Variants in CDK13 observed in about 807,000 individuals in gnomAD.
The protein encoded by CDK13 is cyclin dependent kinase 13.
In CDK13, 40 loss-of-function variants were observed where a neutral mutation model predicts 137.6. The ratio of observed to expected loss-of-function variants is 0.29; its 90% CI spans 0.23 to 0.38. The LOEUF (loss-of-function observed/expected upper bound fraction) is 0.38, where lower values mean the gene tolerates loss of function less well. CDK13 is among the 10% of genes least tolerant of loss of function. The pLI, the probability that CDK13 is intolerant of heterozygous loss-of-function variation, is 1.00. For synonymous variants in CDK13, 869 were observed against 760.1 expected, an observed-to-expected ratio of 1.14 and a Z score of -2.36; for missense variants, 1,704 against 1,951.8, an observed-to-expected ratio of 0.87 and a Z score of 2.39.
At chr7:40,045,021 TTAAGAAA>T (rs1349033398) in intron 5 of CDK13, among the ~76,000 whole-genome samples, 1 of 152,194 alleles carries the variant, frequency 6.6e-6, no homozygotes, top group East Asian at 1.9e-4. Context: ...TAATAAACTT[TTAAGAAA>T]GACTCCTTCT....
chr7:39,956,056 A>G (rs1317528799), intron 1 of CDK13, among the ~76,000 whole-genome samples: 2 of 152,176 alleles, frequency 1.3e-5, no homozygotes, highest in Non-Finnish European at 2.9e-5. Flanking sequence ...TGTCCTGAAA[A>G]CTATAGTTCA....
chr7:39,999,639 A>T (rs1197397260), intron 4 of CDK13, 139 bp downstream of exon 4: 10 of 822,436 alleles, frequency 1.2e-5, no homozygotes, highest in Non-Finnish European at 1.9e-5. Context: ...TTGTTTTTTT[A>T]TTCTATATAT....
At chr7:40,057,503 A>G (rs976352250) in intron 7 of CDK13, among the ~76,000 whole-genome samples, 5 of 152,184 alleles carry the variant, frequency 3.3e-5, no homozygotes, top group African/African-American at 1.2e-4. Flanking sequence ...ACTGGAGAGC[A>G]CTTGGTCATG....
In CDK13 at chr7:40,087,612, A is replaced by G. The variant is rs562210675; in HGVS notation, c.3030-514A>G. Among the ~76,000 whole-genome samples, 359 of 140,892 alleles carry G rather than the reference A, an allele frequency of 2.5e-3. 1 individual carries two copies. Among genetic ancestry groups the G allele is most frequent in the Non-Finnish European group, 4.0e-3 (265 of 66,840 alleles). The allele number at this position is 140,892 out of a possible 152,430, so 92.4% of individuals were successfully genotyped here. Reference sequence around the variant, plus strand: ...CACCCAGGCTGGAGTGCAGTGGCGCAATCTCGGCTCACCGCAACCTCCACC... The same window carrying G: ...CACCCAGGCTGGAGTGCAGTGGCGCGATCTCGGCTCACCGCAACCTCCACC... On this transcript the variant is annotated intron_variant, in intron 11 of 13. Transcript: ENST00000181839.
At chr7:40,017,573 T>G (rs116975746) in intron 5 of CDK13, among the ~76,000 whole-genome samples, 268 of 152,204 alleles carry the variant, frequency 1.8e-3, no homozygotes, top group Middle Eastern at 3.4e-3. Flanking sequence ...TGAATTTGCC[T>G]GTTCCTTTGA....
rs567364633 is a variant in CDK13, at chr7:39,969,002, T to G, written c.1211+17150T>G. On this transcript the variant is annotated intron_variant, in intron 1 of 13. Coordinates refer to ENST00000181839, the MANE Select transcript of CDK13 (RefSeq NM_003718.5). ...TTCTTTCAACCTTAGTTCAGGTGGGTTTTTTTGTTTGTTTGTTTGTTTGTT... is the reference window on the plus strand; with the variant it reads ...TTCTTTCAACCTTAGTTCAGGTGGGGTTTTTTGTTTGTTTGTTTGTTTGTT... 2.0e-4 allele frequency among the ~76,000 whole-genome samples: 30 copies of G among 152,120 alleles called. 1 individual carries two copies. The Middle Eastern group carries it at 0.017, about 86-fold the overall frequency.
At chr7:39,981,948 C>T (rs865915207) in intron 1 of CDK13, among the ~76,000 whole-genome samples, 5 of 130,020 alleles carry the variant, frequency 3.8e-5, no homozygotes, top group Non-Finnish European at 8.9e-5. Context: ...CCCGCCACTA[C>T]GCCCGGCTAA....
chr7:40,034,342 C>G (rs1785439780), intron 5 of CDK13, among the ~76,000 whole-genome samples: 1 of 152,158 alleles, frequency 6.6e-6, no homozygotes, highest in Non-Finnish European at 1.5e-5. Context: ...TCTGCAATGG[C>G]TTTACGAAGA....
chr7:40,069,261 C>A, intron 9 of CDK13: 1 of 445,666 alleles, frequency 2.2e-6, no homozygotes. Flanking sequence ...AACAACAAAA[C>A]ATAAAAAGAT....
chr7:39,973,232 A>T (rs10272514), intron 1 of CDK13, among the ~76,000 whole-genome samples: 46,870 of 151,802 alleles, frequency 0.31, 7,793 homozygotes, highest in Middle Eastern at 0.47. Context: ...CATCTCTAGG[A>T]CTCAAACAAT....
At chr7:40,003,174 A>G (rs1363684976) in intron 5 of CDK13, among the ~76,000 whole-genome samples, 2 of 87,846 alleles carry the variant, frequency 2.3e-5, no homozygotes, top group Non-Finnish European at 4.9e-5. Flanking sequence ...ACACACACAC[A>G]CACACACACA....
Position 40,094,294 on chromosome 7 carries a change from CCCA to C in CDK13, c.3860_3862del (p.Thr1287del). 2 of 1,612,746 alleles carry C rather than the reference CCCA, an allele frequency of 1.2e-6. No homozygotes were observed. The highest frequency in any genetic ancestry group is 1.7e-6 in the Non-Finnish European group (2 of 1,179,426). ...TTATCGGACAGAAAACCAGCATGTA[CCCA>C]CCACCAGTTCTTCATTAACTGACCC... is the stretch of plus-strand genomic sequence containing the variant. On this transcript the variant is annotated inframe_deletion, in exon 14 of 14. Coordinates refer to ENST00000181839, the MANE Select transcript of CDK13 (RefSeq NM_003718.5).
chr7:40,053,394 A>G (rs1785936389), intron 7 of CDK13, among the ~76,000 whole-genome samples: 1 of 152,074 alleles, frequency 6.6e-6, no homozygotes, highest in Non-Finnish European at 1.5e-5. Flanking sequence ...GGCCATTGTA[A>G]ATAGAATTGT....
At chr7:40,017,957 G>A (rs1785037286) in intron 5 of CDK13, among the ~76,000 whole-genome samples, 1 of 150,528 alleles carries the variant, frequency 6.6e-6, no homozygotes, top group Admixed American at 6.6e-5. Flanking sequence ...CATGTTCTGA[G>A]GATTCCTGTT....
intron 1 of CDK13, among the ~76,000 whole-genome samples, chr7:39,956,678 C>T (rs746350948): frequency 2.6e-5 from 4 of 152,116 alleles, no homozygotes; most frequent in Non-Finnish European, 5.9e-5. Context: ...GCTTCGAACT[C>T]CTGGGCCCAG....
chr7:40,058,270 C>G (rs1786064368), intron 7 of CDK13, among the ~76,000 whole-genome samples: 1 of 152,106 alleles, frequency 6.6e-6, no homozygotes, highest in Non-Finnish European at 1.5e-5. Flanking sequence ...GCTGTACAGT[C>G]TTATCAACTG....
At chr7:39,956,061 A>G (rs950886005) in intron 1 of CDK13, among the ~76,000 whole-genome samples, 3 of 152,186 alleles carry the variant, frequency 2.0e-5, no homozygotes, top group African/African-American at 7.2e-5. Context: ...TGAAAACTAT[A>G]GTTCAAAAGT....
At chr7:39,960,462 T>G (rs569254020) in intron 1 of CDK13, among the ~76,000 whole-genome samples, 1 of 152,230 alleles carries the variant, frequency 6.6e-6, no homozygotes, top group African/African-American at 2.4e-5. Context: ...TTTCATCATT[T>G]TACCCAGGAT....
chr7:40,045,328 C>T (rs754062310), intron 5 of CDK13, among the ~76,000 whole-genome samples: 1 of 151,650 alleles, frequency 6.6e-6, no homozygotes, highest in Non-Finnish European at 1.5e-5. Flanking sequence ...ATTGTTTTTC[C>T]TCAAATTCTT....
Sources: gnomAD v4.1 joint callset for allele counts (sites outside exome capture counted in the v4.1 genomes callset) on GRCh38, gnomAD v4.1.1 for gene constraint, MANE v1.5 for transcripts, NCBI Gene and HGNC (gene_info 2026-07-23, HGNC 2026-07-21) for gene names.